The following TTC6 variants were observed in gnomAD, a reference collection of about 807,000 sequenced individuals.
TTC6 encodes tetratricopeptide repeat domain 6, also known as tetratricopeptide repeat protein 6.
In TTC6, 172 loss-of-function variants were observed where a neutral mutation model predicts 210.4. That is an observed-to-expected ratio of 0.82 (90% CI 0.72 to 0.93). The LOEUF (loss-of-function observed/expected upper bound fraction) is 0.93. TTC6 is among the 40% of genes least tolerant of loss of function. The pLI is 0.00. For synonymous variants in TTC6, 804 were observed against 819.6 expected, an observed-to-expected ratio of 0.98 and a Z score of 0.32; for missense variants, 2,414 against 2,318.1, an observed-to-expected ratio of 1.04 and a Z score of -0.85.
intron 20 of TTC6, chr14:37,802,241 AG>A (rs1433346108): frequency 2.0e-5 from 3 of 152,148 alleles, no homozygotes; most frequent in Non-Finnish European, 4.4e-5. Flanking sequence ...TGTAGGAAAA[AG>A]GGTGCGGGGA....
chr14:37,689,018 T>G (rs1367513552), intron 3 of TTC6, among the ~76,000 whole-genome samples: 2 of 152,084 alleles, frequency 1.3e-5, no homozygotes, highest in African/African-American at 4.8e-5. Context: ...TCAAAATATA[T>G]AGAGACATCA....
chr14:37,795,051 T>C (rs1003271864), intron 17 of TTC6, among the ~76,000 whole-genome samples: 2 of 152,200 alleles, frequency 1.3e-5, no homozygotes, highest in African/African-American at 4.8e-5. Context: ...ATAATTATTA[T>C]TTAAAATTAA....
chr14:37,778,269 G>A (rs2139235392), intron 14 of TTC6, among the ~76,000 whole-genome samples: 1 of 152,226 alleles, frequency 6.6e-6, no homozygotes, highest in East Asian at 1.9e-4. Flanking sequence ...GGTTGGGTAG[G>A]GGTTCAGGTC....
At chr14:37,752,987 G>T in intron 13 of TTC6, 112 bp from the exon 16 acceptor site, 2 of 795,132 alleles carry the variant, frequency 2.5e-6, no homozygotes, top group Non-Finnish European at 3.5e-6. Flanking sequence ...TCTTCAGATG[G>T]TTTGCTTTTA....
intron 1 of TTC6, among the ~76,000 whole-genome samples, chr14:37,661,032 G>A (rs2095736301): frequency 6.6e-6 from 1 of 152,102 alleles, no homozygotes; most frequent in Non-Finnish European, 1.5e-5. Context: ...TAATAGGGTT[G>A]TTTGTTTTTT....
upstream of TTC6, chr14:37,622,061 C>G: frequency 6.6e-7 from 1 of 1,514,826 alleles, no homozygotes; most frequent in Non-Finnish European, 8.8e-7. Context: ...TCAAATTTGT[C>G]AAGATGTCCA....
At chr14:37,721,829 T>C in intron 6 of TTC6, among the ~76,000 whole-genome samples, 1 of 144,112 alleles carries the variant, frequency 6.9e-6, no homozygotes, top group African/African-American at 2.5e-5. Flanking sequence ...ATTCATGCTT[T>C]GGCACTGTGA....
chr14:37,729,762 A>G (rs1425380983), intron 7 of TTC6, among the ~76,000 whole-genome samples: 1 of 152,064 alleles, frequency 6.6e-6, no homozygotes, highest in African/African-American at 2.4e-5. Context: ...CTTCTACTTG[A>G]GCTGACACAG....
chr14:37,797,044 C>A, intron 20 of TTC6, 97 bp downstream of exon 22: 1 of 1,124,616 alleles, frequency 8.9e-7, no homozygotes, highest in Non-Finnish European at 1.2e-6. Flanking sequence ...AAAATTAAGT[C>A]ATACTATTTA....
chr14:37,785,929 T>C (rs1422283144), intron 14 of TTC6, among the ~76,000 whole-genome samples: 4 of 152,198 alleles, frequency 2.6e-5, no homozygotes, highest in Non-Finnish European at 4.4e-5. Flanking sequence ...CAGTGGAGGC[T>C]GCAGAACCAC....
chr14:37,789,152 AATG>A (rs1350874105), intron 15 of TTC6, among the ~76,000 whole-genome samples: 1 of 152,172 alleles, frequency 6.6e-6, no homozygotes, highest in Non-Finnish European at 1.5e-5. Flanking sequence ...TAATAATAAT[AATG>A]ATATCTAACA....
chr14:37,836,436 G>A (rs2096198060), intron 29 of TTC6, among the ~76,000 whole-genome samples: 1 of 151,802 alleles, frequency 6.6e-6, no homozygotes, highest in African/African-American at 2.4e-5. Flanking sequence ...AGATCTGCAT[G>A]AAAGGGAGAT....
At chr14:37,769,250 G>T (rs1314292598) in intron 14 of TTC6, among the ~76,000 whole-genome samples, 1 of 151,764 alleles carries the variant, frequency 6.6e-6, no homozygotes, top group Admixed American at 6.6e-5. Context: ...CAAGGATATT[G>T]GTCTAAAATT....
At chr14:37,612,666 A>G (rs1258914000) in intron 2 of TTC6, among the ~76,000 whole-genome samples, 1 of 152,218 alleles carries the variant, frequency 6.6e-6, no homozygotes, top group Non-Finnish European at 1.5e-5. Flanking sequence ...ATTTCTGCAA[A>G]TAAGATTTTG....
intron 4 of TTC6, among the ~76,000 whole-genome samples, chr14:37,697,835 A>G (rs1441427646): frequency 6.6e-6 from 1 of 152,176 alleles, no homozygotes; most frequent in South Asian, 2.1e-4. Flanking sequence ...AATGAAGCAG[A>G]AACTTCTTGA....
At chr14:37,768,408 C>T (rs899619983) in intron 14 of TTC6, among the ~76,000 whole-genome samples, 8 of 151,462 alleles carry the variant, frequency 5.3e-5, no homozygotes, top group South Asian at 4.2e-4. Context: ...GCCATTTTCA[C>T]GATATTGATT....
chr14:37,775,426 ATC>A (rs1285211397), intron 14 of TTC6, among the ~76,000 whole-genome samples: 1 of 152,118 alleles, frequency 6.6e-6, no homozygotes, highest in Non-Finnish European at 1.5e-5. Flanking sequence ...GGTATATTGT[ATC>A]TCTGTTTCCA....
chr14:37,720,437 T>G (rs546326647), intron 6 of TTC6: 1 of 152,048 alleles, frequency 6.6e-6, no homozygotes, highest in East Asian at 1.9e-4. Flanking sequence ...ACAGCTTTAT[T>G]AATAGAAGCC....
intron 6 of TTC6, chr14:37,720,535 A>G (rs1317815052): frequency 6.7e-6 from 1 of 149,856 alleles, no homozygotes; most frequent in Non-Finnish European, 1.5e-5. Flanking sequence ...CCCATGAGCT[A>G]TGAACACTGA....
Sources: allele counts gnomAD v4.1 joint callset (sites outside exome capture counted in the v4.1 genomes callset), GRCh38; gene constraint gnomAD v4.1.1; transcripts MANE v1.5; gene names NCBI Gene and HGNC (gene_info 2026-07-23, HGNC 2026-07-21).